The following HUWE1 variants were observed in gnomAD, a reference collection of about 807,000 sequenced individuals.
HUWE1 encodes E3 ubiquitin-protein ligase HUWE1.
In HUWE1, 18 loss-of-function variants were observed where a neutral mutation model predicts 299.4. The ratio of observed to expected loss-of-function variants is 0.06; its 90% CI spans 0.04 to 0.09. The LOEUF (loss-of-function observed/expected upper bound fraction) is 0.09, where lower values mean the gene tolerates loss of function less well. Ranked by LOEUF, HUWE1 falls within the 10% of genes least tolerant of loss-of-function variation. The pLI, the probability that HUWE1 is intolerant of heterozygous loss-of-function variation, is 1.00. For synonymous variants in HUWE1, 1,317 were observed against 1,286.1 expected (o/e 1.02, Z -0.51); for missense variants, 1,832 against 3,462.3 (o/e 0.53, Z 11.82).
At position 53,608,925 on chromosome X, in the gene HUWE1, A is replaced by C. The variant is rs2065291040; in HGVS notation, c.2262-16T>G. On this transcript the variant is annotated splice_polypyrimidine_tract_variant and intron_variant, in intron 23 of 83. Transcript: ENST00000262854. ...ACCAACAACCCTGTTAGGGGAGAAA[A>C]GAGTGAGTTACACAGAAATTCACAA... 9.6e-7 allele frequency: 1 copy of C among 1,038,718 alleles called. No homozygotes were observed. Among genetic ancestry groups the C allele is most frequent in the Non-Finnish European group, 1.4e-6 (1 of 738,555 alleles). The allele number at this position is 1,038,718 out of a possible 1,213,427, so 85.6% of individuals were successfully genotyped here. A position where few individuals can be genotyped will look rare whatever the true frequency, so the allele number is the denominator to read the frequency against.
At chrX:53,583,058 A>C (rs1556969456) in intron 42 of HUWE1, among the ~76,000 whole-genome samples, 1 of 112,308 alleles carries the variant, frequency 8.9e-6, no homozygotes. Flanking sequence ...CTAAAATATA[A>C]TAACCTGTTT....
chrX:53,561,739 G>A lies in HUWE1; in HGVS notation c.7507+17C>T, dbSNP rs1556941299. 7.4e-6 allele frequency: 9 copies of A among 1,208,222 alleles called. No individual in the cohort carries two copies. Among genetic ancestry groups the A allele is most frequent in the Admixed American group, 4.4e-5 (2 of 45,574 alleles). Reference sequence around the variant, plus strand: ...AGAATCAAGAGAGAAAAACCCAGCTGAGCCCCTGTATCTTACTAGCACTGG... The same window carrying A: ...AGAATCAAGAGAGAAAAACCCAGCTAAGCCCCTGTATCTTACTAGCACTGG... On this transcript the variant is annotated intron_variant, in intron 55 of 83. Transcript: ENST00000262854.
Position 53,532,181 on chromosome X carries a change from AGCAC to A in HUWE1, c.*1124_*1127del, listed in dbSNP as rs1556906824. The A allele has an allele frequency of 9.0e-6, 1 of 111,712 alleles. No individual in the cohort carries two copies. The highest frequency in any genetic ancestry group is 2.8e-4 in the East Asian group (1 of 3,599). 9.2% of individuals were successfully genotyped at this position (111,712 alleles called of 1,213,427 possible). A position where few individuals can be genotyped will look rare whatever the true frequency, so the allele number is the denominator to read the frequency against. ...CATCGAAGTCCTTAGATCAGCTTTA[AGCAC>A]TGGATGGAGTAAAAACCACAAGGGA... On this transcript the variant is annotated 3_prime_UTR_variant, in exon 84 of 84. Coordinates refer to ENST00000262854, the MANE Select transcript of HUWE1 (RefSeq NM_031407.7).
At chrX:53,636,818 CTAAG>C (rs199973183) in intron 7 of HUWE1, among the ~76,000 whole-genome samples, 1,206 of 112,102 alleles carry the variant, frequency 0.011, 22 homozygotes, top group African/African-American at 0.038. Flanking sequence ...TGGAAATTAC[CTAAG>C]TAAGAAGAAA....
chrX:53,604,566 T>C, intron 26 of HUWE1, 23 bp downstream of exon 26: 1 of 1,207,197 alleles, frequency 8.3e-7, no homozygotes, highest in Non-Finnish European at 1.1e-6. Context: ...AATTAATATG[T>C]TCACCCCTAA....
intron 19 of HUWE1, among the ~76,000 whole-genome samples, chrX:53,620,115 A>C (rs1174063879): frequency 4.5e-5 from 5 of 111,595 alleles, no homozygotes; most frequent in Non-Finnish European, 9.4e-5. Flanking sequence ...ACTACTGCCA[A>C]CACCACCACT....
Position 53,629,603 on chromosome X carries a change from G to A in HUWE1, c.876C>T (p.Ala292=), listed in dbSNP as rs2066737012. Residue 292 remains alanine (A), a synonymous_variant, in exon 13 of 84, where the codon GCC becomes GCT. Transcript: ENST00000262854. ...HAISILVYSN[A]LQESANSILY... is the part of the protein sequence containing the mutation. ...AGATACTGTTTGCTGATTCCTGCAA[G>A]GCATTGGAATACACTGCAAAAGGAG... 1 of 1,180,566 alleles carries A rather than the reference G, an allele frequency of 8.5e-7. No individual in the cohort carries two copies. The highest frequency in any genetic ancestry group is 1.8e-5 in the African/African-American group (1 of 56,605).
chrX:53,631,124 A>T, intron 11 of HUWE1, 90 bp from the exon 12 acceptor site: 1 of 603,949 alleles, frequency 1.7e-6, no homozygotes, highest in East Asian at 3.3e-5. Flanking sequence ...AACACAACTA[A>T]ACGTTTTCTC....
intron 3 of HUWE1, among the ~76,000 whole-genome samples, chrX:53,654,523 G>A (rs2068656453): frequency 8.9e-6 from 1 of 111,786 alleles, no homozygotes; most frequent in South Asian, 3.7e-4. Context: ...TCCAAAGAAA[G>A]TCGTAAAGAT....
chrX:53,562,350 T>G, intron 53 of HUWE1, 106 bp from the exon 54 acceptor site: 1 of 1,012,332 alleles, frequency 9.9e-7, no homozygotes. Flanking sequence ...TCTGACTCTA[T>G]GAGAGGAAGA....
chrX:53,584,572 C>T lies in HUWE1; in HGVS notation c.5002-227G>A, dbSNP rs1556971369. Among the ~76,000 whole-genome samples the T allele has an allele frequency of 3.6e-5, 4 of 111,257 alleles. 1 individual carries two copies. The highest frequency in any genetic ancestry group is 2.9e-4 in the Admixed American group (3 of 10,518). Reference sequence around the variant, plus strand: ...ACCTTCCAACAGAGCAAATACCATCCCTAACCACTCCCTAGCCCTTGACTA... The same window carrying T: ...ACCTTCCAACAGAGCAAATACCATCTCTAACCACTCCCTAGCCCTTGACTA... On this transcript the variant is annotated intron_variant, in intron 40 of 83. Coordinates refer to ENST00000262854, the MANE Select transcript of HUWE1 (RefSeq NM_031407.7).
chrX:53,600,088 G>A, intron 29 of HUWE1, 30 bp downstream of exon 29: 1 of 1,176,588 alleles, frequency 8.5e-7, no homozygotes, highest in Non-Finnish European at 1.2e-6. Flanking sequence ...CTGAAAGCCA[G>A]AAAAGGTAGG....
chrX:53,569,819 A>G lies in HUWE1; in HGVS notation c.6321T>C (p.Ser2107=). 8.3e-7 allele frequency: 1 copy of G among 1,209,104 alleles called. No individual in the cohort carries two copies. The highest frequency in any genetic ancestry group is 1.1e-6 in the Non-Finnish European group (1 of 892,796). The change falls in exon 48 of 84, where the codon AGT becomes AGC. Residue 2107 remains serine (S), a synonymous_variant. Coordinates refer to ENST00000262854, the MANE Select transcript of HUWE1 (RefSeq NM_031407.7). ...GGTGGTCCAGAACAAAAGCTAGCAC[A>G]CTGCAGTCCTGAAAAGTCATGAATC... ...GQSELIKEDC[S]VLAFVLDHLL...
chrX:53,684,785 A>T (rs1557055073), intron 2 of HUWE1, among the ~76,000 whole-genome samples: 2 of 112,075 alleles, frequency 1.8e-5, no homozygotes, highest in African/African-American at 6.5e-5. Flanking sequence ...TTAAACCTAC[A>T]TTATCCAGAC....
chrX:53,630,213 A>C (rs1366359718), intron 12 of HUWE1, among the ~76,000 whole-genome samples: 2 of 112,493 alleles, frequency 1.8e-5, no homozygotes, highest in African/African-American at 6.5e-5. Flanking sequence ...ATCATGCTAG[A>C]TATGAGTACA....
chrX:53,546,584 T>C lies in HUWE1; in HGVS notation c.10767A>G (p.Thr3589=). Residue 3589 remains threonine (T), a synonymous_variant, in exon 70 of 84, where the codon ACA becomes ACG. Coordinates refer to ENST00000262854, the MANE Select transcript of HUWE1 (RefSeq NM_031407.7). Reference sequence around the variant, plus strand: ...AGCCTTCCTCAGAACAAGAGTGGGATGTCAACACCTGAGAAAAAGAAGACA... The same window carrying C: ...AGCCTTCCTCAGAACAAGAGTGGGACGTCAACACCTGAGAAAAAGAAGACA... ...NQLQLSVEVL[T]SHSCSEEGLE... The C allele has an allele frequency of 8.3e-7, 1 of 1,209,721 alleles. No individual in the cohort carries two copies. The highest frequency in any genetic ancestry group is 2.3e-4 in the Middle Eastern group (1 of 4,352).
intron 23 of HUWE1, among the ~76,000 whole-genome samples, chrX:53,612,919 G>T (rs1557003745): frequency 9.0e-6 from 1 of 111,392 alleles, no homozygotes; most frequent in Non-Finnish European, 1.9e-5. Flanking sequence ...CAGATGTAAG[G>T]CATCTGGAAA....
chrX:53,619,590 G>GA (rs35685121), intron 19 of HUWE1, among the ~76,000 whole-genome samples: 61 of 41,148 alleles, frequency 1.5e-3, no homozygotes, highest in Middle Eastern at 0.015. Context: ...AGAAATAGAA[G>GA]AAAAAAAAAA....
At chrX:53,620,864 C>A (rs2066106262) in intron 19 of HUWE1, among the ~76,000 whole-genome samples, 1 of 110,908 alleles carries the variant, frequency 9.0e-6, no homozygotes, top group Admixed American at 9.5e-5. Flanking sequence ...AGGATGGGAC[C>A]CACAGAAAAT....
Sources: allele counts gnomAD v4.1 joint callset (sites outside exome capture counted in the v4.1 genomes callset), GRCh38; gene constraint gnomAD v4.1.1; transcripts MANE v1.5; gene names NCBI Gene and HGNC (gene_info 2026-07-23, HGNC 2026-07-21).